Variants in DLG2 observed in about 807,000 individuals in gnomAD.
DLG2 encodes the protein discs large MAGUK scaffold protein 2.
DLG2 carries 45 observed loss-of-function variants against 132.5 expected under a neutral mutation model. That is an observed-to-expected ratio of 0.34 (90% CI 0.27 to 0.44). The LOEUF (loss-of-function observed/expected upper bound fraction) is 0.44. Among genes scored for constraint, DLG2 ranks in the 20% least tolerant of loss-of-function variants. DLG2 has a pLI of 1.00. For missense variants in DLG2, 1,045 were observed against 1,196.9 expected (o/e 0.87, Z 1.87); for synonymous variants, 424 against 419.6 (o/e 1.01, Z -0.13).
chr11:85,254,999 A>C (rs1308420589), intron 4 of DLG2, among the ~76,000 whole-genome samples: 1 of 127,548 alleles, frequency 7.8e-6, no homozygotes, highest in Non-Finnish European at 1.6e-5. Context: ...ACTCCATCTC[A>C]AAAAAAAAAA....
At chr11:84,865,927 A>G (rs1380212477) in intron 6 of DLG2, among the ~76,000 whole-genome samples, 2 of 152,130 alleles carry the variant, frequency 1.3e-5, no homozygotes, top group Non-Finnish European at 2.9e-5. Flanking sequence ...TCCTTTGCCA[A>G]CCCCCTAAGG....
At chr11:84,030,461 T>C (rs1261332449) in intron 11 of DLG2, among the ~76,000 whole-genome samples, 1 of 152,146 alleles carries the variant, frequency 6.6e-6, no homozygotes, top group Non-Finnish European at 1.5e-5. Flanking sequence ...TCTTAGCTGA[T>C]CAATGCCCTT....
chr11:84,284,144 G>A (rs2097883264), intron 7 of DLG2, among the ~76,000 whole-genome samples: 1 of 152,160 alleles, frequency 6.6e-6, no homozygotes, highest in South Asian at 2.1e-4. Flanking sequence ...TGAGGCAGGA[G>A]AATCACTGGA....
chr11:84,321,308 C>T (rs1357033646), intron 7 of DLG2, among the ~76,000 whole-genome samples: 2 of 152,068 alleles, frequency 1.3e-5, no homozygotes, highest in Non-Finnish European at 2.9e-5. Flanking sequence ...TCGCATACAC[C>T]CTTGCTCTAA....
intron 18 of DLG2, among the ~76,000 whole-genome samples, chr11:83,667,615 G>C (rs1352293967): frequency 6.6e-6 from 1 of 152,170 alleles, no homozygotes; most frequent in Admixed American, 6.5e-5. Flanking sequence ...AAGGAAATTA[G>C]TGATGTTCTC....
chr11:83,683,979 C>T (rs985373945), intron 18 of DLG2, among the ~76,000 whole-genome samples: 9 of 152,060 alleles, frequency 5.9e-5, no homozygotes, highest in African/African-American at 2.2e-4. Flanking sequence ...TTCATCAGCC[C>T]AAGAAAGCAA....
chr11:84,964,103 C>A (rs1270968820), intron 6 of DLG2, among the ~76,000 whole-genome samples: 2 of 151,974 alleles, frequency 1.3e-5, no homozygotes, highest in African/African-American at 4.8e-5. Context: ...AACATTAAGG[C>A]AGCCTAACTT....
At chr11:84,019,253 T>C (rs993407284) in intron 11 of DLG2, among the ~76,000 whole-genome samples, 3 of 152,138 alleles carry the variant, frequency 2.0e-5, no homozygotes, top group African/African-American at 4.8e-5. Flanking sequence ...GAAAATTCTA[T>C]GTATTTCCAG....
intron 7 of DLG2, among the ~76,000 whole-genome samples, chr11:84,466,146 T>C (rs1259296177): frequency 6.6e-6 from 1 of 151,110 alleles, no homozygotes; most frequent in Admixed American, 6.6e-5. Context: ...AGGACAAAAC[T>C]AGATCAGTAC....
At chr11:85,536,071 G>C (rs758394854) in intron 3 of DLG2, among the ~76,000 whole-genome samples, 1 of 151,752 alleles carries the variant, frequency 6.6e-6, no homozygotes, top group Admixed American at 6.6e-5. Context: ...ATAAAAATTA[G>C]ACTGGCAAGG....
intron 18 of DLG2, among the ~76,000 whole-genome samples, chr11:83,679,099 A>G (rs1296151119): frequency 1.3e-5 from 2 of 152,186 alleles, no homozygotes; most frequent in African/African-American, 2.4e-5. Context: ...CATCGTGTGG[A>G]TCCTGAAATC....
chr11:84,722,344 C>T (rs1319401724), intron 6 of DLG2, among the ~76,000 whole-genome samples: 1 of 152,102 alleles, frequency 6.6e-6, no homozygotes, highest in African/African-American at 2.4e-5. Flanking sequence ...CACCTATATC[C>T]GAAACTAATA....
chr11:84,004,331 A>T (rs981875473), intron 11 of DLG2, among the ~76,000 whole-genome samples: 4 of 152,174 alleles, frequency 2.6e-5, no homozygotes, highest in Admixed American at 2.6e-4. Flanking sequence ...AAGGAAGCAC[A>T]AGAATCATAT....
intron 18 of DLG2, among the ~76,000 whole-genome samples, chr11:83,730,254 CTT>C (rs1404102349): frequency 1.3e-5 from 2 of 148,816 alleles, no homozygotes; most frequent in African/African-American, 5.0e-5. Flanking sequence ...GTTAATACCT[CTT>C]TGTCAGAAAC....
At chr11:85,053,360 T>C (rs1268457861) in intron 6 of DLG2, among the ~76,000 whole-genome samples, 1 of 152,276 alleles carries the variant, frequency 6.6e-6, no homozygotes, top group Admixed American at 6.5e-5. Flanking sequence ...TTGTGTCATC[T>C]GTCAACTAGG....
intron 17 of DLG2, among the ~76,000 whole-genome samples, chr11:83,818,037 G>A (rs1176684884): frequency 6.6e-6 from 1 of 152,118 alleles, no homozygotes; most frequent in Non-Finnish European, 1.5e-5. Flanking sequence ...GAGCTGGAAG[G>A]GCCTTTAAAG....
intron 18 of DLG2, among the ~76,000 whole-genome samples, chr11:83,671,040 A>G (rs1274811915): frequency 6.6e-6 from 1 of 152,176 alleles, no homozygotes; most frequent in East Asian, 1.9e-4. Flanking sequence ...TAAAAAGTAG[A>G]TTCAAATAAC....
At chr11:84,413,501 A>C (rs1180782473) in intron 7 of DLG2, among the ~76,000 whole-genome samples, 1 of 152,218 alleles carries the variant, frequency 6.6e-6, no homozygotes, top group Admixed American at 6.5e-5. Flanking sequence ...GGTAGATACC[A>C]AAGAGATCCA....
At chr11:84,525,195 G>A (rs368633142) in intron 7 of DLG2, among the ~76,000 whole-genome samples, 6 of 152,158 alleles carry the variant, frequency 3.9e-5, no homozygotes, top group South Asian at 2.1e-4. Context: ...CACTGAAAAC[G>A]TCAAAGTTTC....
Sources: allele counts gnomAD v4.1 joint callset (sites outside exome capture counted in the v4.1 genomes callset), GRCh38; gene constraint gnomAD v4.1.1; transcripts MANE v1.5; gene names NCBI Gene and HGNC (gene_info 2026-07-23, HGNC 2026-07-21).